Variants in PTPRQ observed in about 807,000 individuals in gnomAD.
PTPRQ encodes protein tyrosine phosphatase receptor type Q, also known as phosphatidylinositol phosphatase PTPRQ.
A neutral mutation model predicts 246.0 loss-of-function variants in PTPRQ; 199 were observed. That is an observed-to-expected ratio of 0.81 (90% CI 0.72 to 0.91). The LOEUF (loss-of-function observed/expected upper bound fraction) is 0.91, where lower values mean the gene tolerates loss of function less well. PTPRQ is among the 40% of genes least tolerant of loss of function. The probability of loss-of-function intolerance (pLI) is 0.00; values close to 1 mark genes in which losing one functional copy is unlikely to be tolerated. For missense variants in PTPRQ, 2,624 were observed against 2,528.4 expected (o/e 1.04, Z -0.81); for synonymous variants, 869 against 853.2 (o/e 1.02, Z -0.32).
intron 33 of PTPRQ, among the ~76,000 whole-genome samples, chr12:80,628,249 AT>A: frequency 6.6e-6 from 1 of 152,210 alleles, no homozygotes; most frequent in South Asian, 2.1e-4. Context: ...CTGCTTTCTC[AT>A]TTTTTAAATT....
chr12:80,552,479 C>T (rs926653895), intron 25 of PTPRQ, among the ~76,000 whole-genome samples: 1 of 150,728 alleles, frequency 6.6e-6, no homozygotes, highest in African/African-American at 2.4e-5. Context: ...GCAGTTTTTG[C>T]CATTAAAAGT....
intron 26 of PTPRQ, among the ~76,000 whole-genome samples, chr12:80,602,603 C>A (rs1008426426): frequency 2.6e-5 from 4 of 151,716 alleles, no homozygotes; most frequent in African/African-American, 9.7e-5. Flanking sequence ...CTTAGTGAAG[C>A]CTGTCTTATA....
chr12:80,477,491 C>T (rs1335741841), intron 8 of PTPRQ, among the ~76,000 whole-genome samples: 1 of 152,082 alleles, frequency 6.6e-6, no homozygotes, highest in African/African-American at 2.4e-5. Flanking sequence ...TATTCTGCTC[C>T]TTACTTACAT....
rs892062210 is a variant in PTPRQ at position 80,679,642 on chromosome 12, G to T, written c.*619G>T. 1 of 151,990 alleles carries T rather than the reference G, an allele frequency of 6.6e-6. No homozygotes were observed. The highest frequency in any genetic ancestry group is 1.5e-5 in the Non-Finnish European group (1 of 67,968). 9.4% of individuals were successfully genotyped at this position (151,990 alleles called of 1,614,324 possible). A position where few individuals can be genotyped will look rare whatever the true frequency, so the allele number is the denominator to read the frequency against. On this transcript the variant is annotated 3_prime_UTR_variant, in exon 45 of 45. Transcript: ENST00000644991. ...CACTTAGGGCTATTTAATTTGCATT[G>T]TGATCTTCAGTTTGAGAACCTTAAA...
chr12:80,478,459 A>G (rs1274512963), intron 8 of PTPRQ, among the ~76,000 whole-genome samples: 1 of 152,114 alleles, frequency 6.6e-6, no homozygotes, highest in Non-Finnish European at 1.5e-5. Context: ...TGGAAACTCT[A>G]AAAAGCAGAG....
chr12:80,521,914 C>T (rs1288372456), intron 17 of PTPRQ, among the ~76,000 whole-genome samples: 1 of 152,088 alleles, frequency 6.6e-6, no homozygotes, highest in Non-Finnish European at 1.5e-5. Context: ...TCATTGCTAG[C>T]TTGATGGGGA....
At chr12:80,603,442 T>C (rs1399615743) in intron 26 of PTPRQ, among the ~76,000 whole-genome samples, 1 of 151,686 alleles carries the variant, frequency 6.6e-6, no homozygotes, top group East Asian at 1.9e-4. Flanking sequence ...CTAGCTTAAT[T>C]CCTAAATTAC....
intron 32 of PTPRQ, among the ~76,000 whole-genome samples, 167 bp from the exon 33 acceptor site, chr12:80,621,894 A>G (rs1474421665): frequency 6.6e-6 from 1 of 152,056 alleles, no homozygotes. Flanking sequence ...TGTCTCATAT[A>G]AATATAGCAT....
chr12:80,631,366 TA>T (rs946630300), intron 33 of PTPRQ, among the ~76,000 whole-genome samples: 29 of 151,812 alleles, frequency 1.9e-4, no homozygotes, highest in African/African-American at 4.3e-4. Context: ...GATAAAAGTT[TA>T]AAAAAAAATC....
intron 27 of PTPRQ, among the ~76,000 whole-genome samples, chr12:80,608,071 G>T (rs1342498518): frequency 6.6e-6 from 1 of 150,674 alleles, no homozygotes; most frequent in Non-Finnish European, 1.5e-5. Context: ...TCATAGAGCA[G>T]GTTAAATATA....
chr12:80,588,247 A>C lies in PTPRQ; in HGVS notation c.4404A>C (p.Gln1468His), dbSNP rs1592690071. 4 of 1,551,636 alleles carry C rather than the reference A, an allele frequency of 2.6e-6. No homozygotes were observed. The highest frequency in any genetic ancestry group is 3.5e-6 in the Non-Finnish European group (4 of 1,146,954). ...TTCAAAATTACAAAATTACCACTCA[A>C]CTTCGTGCTCAAAAATGCAAAGAAT... is the stretch of plus-strand genomic sequence containing the variant. ...GYFQNYKITT[Q>H]LRAQKCKEWE... Residue 1468 changes from glutamine (Q) to histidine (H), a missense_variant, in exon 26 of 45, where the codon CAA (glutamine) becomes CAC (histidine). Gln to His is a conservative substitution (Grantham distance 24, BLOSUM62 0). Coordinates refer to ENST00000644991, the MANE Select transcript of PTPRQ (RefSeq NM_001145026.2).
intron 25 of PTPRQ, among the ~76,000 whole-genome samples, chr12:80,555,278 T>C (rs1019699820): frequency 1.3e-5 from 2 of 152,198 alleles, no homozygotes; most frequent in African/African-American, 4.8e-5. Context: ...CAGGCTGGTC[T>C]CAAACTCCTG....
chr12:80,635,082 A>G lies in PTPRQ; in HGVS notation c.5915+9A>G. On this transcript the variant is annotated intron_variant, in intron 35 of 44. Coordinates refer to ENST00000644991, the MANE Select transcript of PTPRQ (RefSeq NM_001145026.2). ...GACGAGAGATTAACGCGGTGAGCAC[A>G]CTCCTCTGGGTGAACTGTGGTCCAG... 6.5e-7 allele frequency: 1 copy of G among 1,549,606 alleles called. No individual in the cohort carries two copies. The highest frequency in any genetic ancestry group is 8.7e-7 in the Non-Finnish European group (1 of 1,146,144).
chr12:80,462,614 C>A (rs1219561149), intron 6 of PTPRQ: 2 of 155,212 alleles, frequency 1.3e-5, no homozygotes, highest in African/African-American at 2.4e-5. Flanking sequence ...GGGAGGCACC[C>A]CCCAGTAGAG....
At chr12:80,611,392 G>T (rs1256284594) in intron 28 of PTPRQ, among the ~76,000 whole-genome samples, 1 of 150,268 alleles carries the variant, frequency 6.7e-6, no homozygotes, top group African/African-American at 2.4e-5. Context: ...TTTTTTTACA[G>T]CTAGTTTTTT....
intron 35 of PTPRQ, among the ~76,000 whole-genome samples, chr12:80,637,717 A>G (rs1899708853): frequency 6.6e-6 from 1 of 152,202 alleles, no homozygotes; most frequent in Admixed American, 6.5e-5. Context: ...ATTAGACAAT[A>G]AGACTGGAAA....
chr12:80,449,294 G>A (rs1892664227), intron 3 of PTPRQ, among the ~76,000 whole-genome samples: 1 of 151,956 alleles, frequency 6.6e-6, no homozygotes. Context: ...CAGATGAGTA[G>A]GTTGTGAAAA....
At chr12:80,465,849 C>A (rs11536120) in intron 6 of PTPRQ, among the ~76,000 whole-genome samples, 1 of 151,924 alleles carries the variant, frequency 6.6e-6, no homozygotes, top group African/African-American at 2.4e-5. Flanking sequence ...ATTGGTGGGA[C>A]GTATCTCAAA....
chr12:80,526,381 T>C (rs575107075), intron 17 of PTPRQ, among the ~76,000 whole-genome samples: 7 of 152,244 alleles, frequency 4.6e-5, no homozygotes, highest in South Asian at 4.1e-4. Flanking sequence ...CCAAAGACTA[T>C]TAGTGTGGTT....
Sources: gnomAD v4.1 joint callset for allele counts (sites outside exome capture counted in the v4.1 genomes callset) on GRCh38, gnomAD v4.1.1 for gene constraint, MANE v1.5 for transcripts, NCBI Gene and HGNC (gene_info 2026-07-23, HGNC 2026-07-21) for gene names.